Variants in NAV3 observed in about 807,000 individuals in gnomAD.
NAV3 encodes pore membrane and/or filament interacting like protein 1.
In NAV3, 87 loss-of-function variants were observed where a neutral mutation model predicts 244.7. The observed-to-expected ratio is 0.36, with a 90% confidence interval of 0.30 to 0.42. The LOEUF (loss-of-function observed/expected upper bound fraction) is 0.42. NAV3 is among the 20% of genes least tolerant of loss of function. The probability of loss-of-function intolerance (pLI) is 1.00; values close to 1 mark genes in which losing one functional copy is unlikely to be tolerated. For missense variants in NAV3, 2,663 were observed against 2,893.3 expected (o/e 0.92, Z 1.83); for synonymous variants, 1,126 against 1,042.2 (o/e 1.08, Z -1.55).
chr12:77,917,639 T>C (rs551157393), intron 1 of NAV3, among the ~76,000 whole-genome samples: 30 of 152,100 alleles, frequency 2.0e-4, no homozygotes, highest in Middle Eastern at 3.4e-3. Context: ...GAAAGCTATA[T>C]TTTAATTTGC....
intron 19 of NAV3, among the ~76,000 whole-genome samples, chr12:78,138,079 A>T (rs1305797165): frequency 6.6e-6 from 1 of 152,160 alleles, no homozygotes; most frequent in East Asian, 1.9e-4. Flanking sequence ...CCATAAAGAA[A>T]ACTTACAGCA....
rs201070522 is a variant in NAV3 at position 78,198,724 on chromosome 12, T to TG, written c.6518+56dup. ...TTTGTTTTGTTTTTTTGTTTTGTGT[T>TG]GGGGGGGGCAGGGGAGGGGGTTGGC... is the stretch of plus-strand genomic sequence containing the variant. On this transcript the variant is annotated intron_variant, in intron 36 of 39. Transcript: ENST00000397909. 2.4e-3 allele frequency: 817 copies of TG among 343,424 alleles called. 1 individual carries two copies. The highest frequency in any genetic ancestry group is 3.3e-3 in the Non-Finnish European group (585 of 177,372). 21.3% of individuals were successfully genotyped at this position (343,424 alleles called of 1,614,324 possible). A position where few individuals can be genotyped will look rare whatever the true frequency, so the allele number is the denominator to read the frequency against.
At chr12:78,175,261 C>T (rs1263277599) in intron 24 of NAV3, 45 bp from the exon 25 acceptor site, 11 of 1,600,532 alleles carry the variant, frequency 6.9e-6, no homozygotes, top group South Asian at 3.3e-5. Context: ...TTGTTCAGAT[C>T]GAGACTCTTC....
chr12:77,965,525 C>A (rs1008839462), intron 3 of NAV3, among the ~76,000 whole-genome samples: 1 of 151,914 alleles, frequency 6.6e-6, no homozygotes, highest in African/African-American at 2.4e-5. Flanking sequence ...AGAGTGAGGC[C>A]GGAGAATCGC....
intron 9 of NAV3, among the ~76,000 whole-genome samples, chr12:78,049,758 T>A (rs376027260): frequency 1.3e-5 from 2 of 152,284 alleles, no homozygotes; most frequent in South Asian, 2.1e-4. Context: ...TAAGGTCAAA[T>A]CTACAAAATA....
chr12:77,576,574 T>G (rs1167668747), intron 2 of NAV3, among the ~76,000 whole-genome samples: 1 of 152,106 alleles, frequency 6.6e-6, no homozygotes, highest in Non-Finnish European at 1.5e-5. Context: ...TTTATTTCAT[T>G]TAGTGTGCTG....
chr12:77,592,246 A>G (rs2136723589), intron 2 of NAV3, among the ~76,000 whole-genome samples: 1 of 152,326 alleles, frequency 6.6e-6, no homozygotes, highest in African/African-American at 2.4e-5. Flanking sequence ...CACTCTGGCT[A>G]AAGAGCCACC....
intron 2 of NAV3, among the ~76,000 whole-genome samples, chr12:77,622,454 C>A (rs759701752): frequency 6.6e-6 from 1 of 151,870 alleles, no homozygotes; most frequent in East Asian, 1.9e-4. Flanking sequence ...ACACCGCACC[C>A]GGCCCCCAAG....
chr12:78,194,385 C>CT (rs1406442652), intron 34 of NAV3, among the ~76,000 whole-genome samples: 3 of 151,966 alleles, frequency 2.0e-5, no homozygotes, highest in East Asian at 1.9e-4. Context: ...TCCCTTCTCT[C>CT]TTTTTTTGGG....
chr12:77,862,900 C>A (rs1254475709), intron 1 of NAV3, among the ~76,000 whole-genome samples: 3 of 150,774 alleles, frequency 2.0e-5, no homozygotes, highest in Admixed American at 2.0e-4. Flanking sequence ...TTTGGAAGGT[C>A]ATGTAAGCTT....
At chr12:78,078,419 G>A (rs1412180880) in intron 12 of NAV3, among the ~76,000 whole-genome samples, 1 of 94,696 alleles carries the variant, frequency 1.1e-5, no homozygotes, top group African/African-American at 4.3e-5. Context: ...TTTTTGAGAC[G>A]GAGTCTCGCT....
intron 9 of NAV3, among the ~76,000 whole-genome samples, chr12:78,037,839 C>G (rs766700507): frequency 2.2e-4 from 33 of 152,272 alleles, no homozygotes; most frequent in South Asian, 2.1e-4. Context: ...CTGCTGCCTC[C>G]GTGCTACCTG....
At chr12:77,948,065 A>G (rs1445048571) in intron 3 of NAV3, among the ~76,000 whole-genome samples, 4 of 152,032 alleles carry the variant, frequency 2.6e-5, no homozygotes, top group Non-Finnish European at 5.9e-5. Context: ...CTGATTTGCT[A>G]CCTTGATTAA....
rs1210782246 is a variant in NAV3 at position 78,006,472 on chromosome 12, C to T, written c.934C>T (p.Pro312Ser). ...AGGTGTAAATGGTAACGTGCAGCCT[C>T]CCAGTACTGCTGGGCAGCCTCCTGC... ...SSGVNGNVQP[P>S]STAGQPPASA... The change falls in exon 8 of 40, where the codon CCC (proline) becomes TCC (serine). Residue 312 changes from proline (P) to serine (S), a missense_variant. By Grantham distance (74) the Pro-to-Ser change is moderately conservative. Around this residue, in one of 6 missense-constraint regions of NAV3, gnomAD observed 1,521 missense variants for 1,497.0 expected, o/e 1.02. Transcript: ENST00000397909. 2 of 1,614,176 alleles carry T rather than the reference C, an allele frequency of 1.2e-6. No homozygotes were observed. Among genetic ancestry groups the T allele is most frequent in the South Asian group, 2.2e-5 (2 of 91,084 alleles).
intron 24 of NAV3, among the ~76,000 whole-genome samples, chr12:78,173,717 T>C (rs1021442450): frequency 6.6e-6 from 1 of 150,618 alleles, no homozygotes; most frequent in Admixed American, 6.7e-5. Flanking sequence ...TTTAAAACAA[T>C]GTTAAGAGAT....
In NAV3 at chr12:78,177,686, G is replaced by A. The variant is rs1349450300; in HGVS notation, c.5363+1G>A. On this transcript the variant is annotated splice_donor_variant, in intron 28 of 39. Transcript: ENST00000397909. LOFTEE classifies it high-confidence loss of function. Reference sequence around the variant, plus strand: ...CTGTGATCTACAAGCATAGATCTCGGTAAAGTGGAGTGCGATGCATGAATA... The same window carrying A: ...CTGTGATCTACAAGCATAGATCTCGATAAAGTGGAGTGCGATGCATGAATA... The A allele has an allele frequency of 3.4e-5, 55 of 1,596,838 alleles. No individual in the cohort carries two copies. Among genetic ancestry groups the A allele is most frequent in the Admixed American group, 6.7e-5 (4 of 59,912 alleles).
intron 2 of NAV3, among the ~76,000 whole-genome samples, chr12:77,757,239 A>G (rs35539755): frequency 3.3e-5 from 5 of 152,182 alleles, no homozygotes; most frequent in Non-Finnish European, 7.3e-5. Context: ...CACATGTTTC[A>G]TGTCTCTCCT....
chr12:77,597,772 A>G (rs1870236854), intron 2 of NAV3, among the ~76,000 whole-genome samples: 2 of 152,128 alleles, frequency 1.3e-5, no homozygotes, highest in African/African-American at 4.8e-5. Flanking sequence ...AAGATAAAGC[A>G]GCACCCAAGT....
chr12:77,617,279 T>A (rs11836707), intron 2 of NAV3, among the ~76,000 whole-genome samples: 6,185 of 152,274 alleles, frequency 0.041, 244 homozygotes, highest in African/African-American at 0.1. Flanking sequence ...TCTGGTGTTC[T>A]TGCCTTTGAC....
Sources: gnomAD v4.1 joint callset for allele counts (sites outside exome capture counted in the v4.1 genomes callset) on GRCh38, gnomAD v4.1.1 for gene constraint, gnomAD v4.1.1 regional missense constraint, MANE v1.5 for transcripts, NCBI Gene and HGNC (gene_info 2026-07-23, HGNC 2026-07-21) for gene names.